The following DTX1 variants were observed in gnomAD, a reference collection of about 807,000 sequenced individuals.
DTX1 encodes E3 ubiquitin-protein ligase DTX1.
Under a neutral mutation model 57.8 loss-of-function variants are expected in DTX1, and 26 were observed. The ratio of observed to expected loss-of-function variants is 0.45; its 90% CI spans 0.33 to 0.62. DTX1 has a LOEUF of 0.62. Among genes scored for constraint, DTX1 ranks in the 20% least tolerant of loss-of-function variants. DTX1 has a pLI of 0.02. For synonymous variants in DTX1, 398 were observed against 394.1 expected, an observed-to-expected ratio of 1.01 and a Z score of -0.12; for missense variants, 704 against 895.3, an observed-to-expected ratio of 0.79 and a Z score of 2.73.
intron 1 of DTX1, among the ~76,000 whole-genome samples, chr12:113,057,148 T>C (rs2044630046): frequency 6.6e-6 from 1 of 151,536 alleles, no homozygotes; most frequent in African/African-American, 2.4e-5. Context: ...TCCCCGTGCT[T>C]CCCGGCGCAC....
chr12:113,094,033 T>A lies in DTX1; in HGVS notation c.1166-5T>A. Reference sequence around the variant, plus strand: ...CCTCAAACCCACCCCGCTGTGTCCCTGCAGGTAAGAATCCCGAGGATGTGG... The same window carrying A: ...CCTCAAACCCACCCCGCTGTGTCCCAGCAGGTAAGAATCCCGAGGATGTGG... On this transcript the variant is annotated splice_region_variant and splice_polypyrimidine_tract_variant and intron_variant, in intron 5 of 9. Coordinates refer to ENST00000548759, the MANE Select transcript of DTX1 (RefSeq NM_004416.3). The A allele has an allele frequency of 6.4e-7, 1 of 1,570,296 alleles. No individual in the cohort carries two copies. Among genetic ancestry groups the A allele is most frequent in the Non-Finnish European group, 8.6e-7 (1 of 1,156,848 alleles).
chr12:113,073,096 CAG>C (rs1176841259), intron 2 of DTX1, among the ~76,000 whole-genome samples: 1 of 152,146 alleles, frequency 6.6e-6, no homozygotes, highest in Non-Finnish European at 1.5e-5. Flanking sequence ...ATTTGGCACA[CAG>C]GGGAAGTTAA....
At position 113,078,027 on chromosome 12, in the gene DTX1, C is replaced by A. The variant is rs190645916; in HGVS notation, c.863C>A (p.Thr288Asn). The A allele has an allele frequency of 0.014, 17,522 of 1,271,804 alleles. 235 individuals are homozygous for A. Among genetic ancestry groups the A allele is most frequent in the Middle Eastern group, 0.056 (183 of 3,292 alleles). 78.8% of individuals were successfully genotyped at this position (1,271,804 alleles called of 1,614,324 possible). A position where few individuals can be genotyped will look rare whatever the true frequency, so the allele number is the denominator to read the frequency against. ...CCGGGCGCCCCCGGCGGAGCGCGCA[C>A]CCCGGGGCAGAACAACCTCAACCGG... is the stretch of plus-strand genomic sequence containing the variant. ...RSPGAPGGARTPGQNNLNRPG... is the reference protein window; with the variant it reads ...RSPGAPGGARNPGQNNLNRPG... Residue 288 changes from threonine to asparagine, a missense_variant, in exon 3 of 10, where the codon ACC (threonine) becomes AAC (asparagine). Around this residue, in one of 3 missense-constraint regions of DTX1, gnomAD observed 299 missense variants for 311.2 expected, o/e 0.96. Coordinates refer to ENST00000548759, the MANE Select transcript of DTX1 (RefSeq NM_004416.3).
Position 113,096,982 on chromosome 12 carries a change from C to T in DTX1, c.*43C>T, listed in dbSNP as rs780716565. 13 of 1,558,830 alleles carry T rather than the reference C, an allele frequency of 8.3e-6. No individual in the cohort carries two copies. In the Admixed American group the frequency reaches 9.1e-5, roughly 11 times the overall value. ...CTTCCCTCCTGCTTTGCCCCTGGTCCGGCAAATGCCTCCTTCGCCAGGTGT... is the reference window on the plus strand; with the variant it reads ...CTTCCCTCCTGCTTTGCCCCTGGTCTGGCAAATGCCTCCTTCGCCAGGTGT... On this transcript the variant is annotated 3_prime_UTR_variant, in exon 10 of 10. Transcript: ENST00000548759.
At chr12:113,068,264 G>A (rs1003934384) in intron 2 of DTX1, among the ~76,000 whole-genome samples, 14 of 152,210 alleles carry the variant, frequency 9.2e-5, no homozygotes, top group African/African-American at 3.1e-4. Flanking sequence ...GGATGCCAAG[G>A]TGACTGTAAA....
intron 2 of DTX1, among the ~76,000 whole-genome samples, chr12:113,062,448 T>C (rs2044671954): frequency 6.6e-6 from 1 of 152,218 alleles, no homozygotes; most frequent in African/African-American, 2.4e-5. Context: ...ATTCTTTTTT[T>C]TCCCCCAACC....
chr12:113,073,090 G>A (rs561900661), intron 2 of DTX1, among the ~76,000 whole-genome samples: 71 of 152,242 alleles, frequency 4.7e-4, no homozygotes, highest in Non-Finnish European at 5.0e-4. Context: ...CTCAGGATTT[G>A]GCACACAGGG....
intron 2 of DTX1, among the ~76,000 whole-genome samples, chr12:113,062,446 T>A (rs1030588337): frequency 6.6e-6 from 1 of 152,184 alleles, no homozygotes; most frequent in Admixed American, 6.5e-5. Flanking sequence ...ATATTCTTTT[T>A]TTTCCCCCAA....
At chr12:113,067,879 C>CA (rs56358913) in intron 2 of DTX1, among the ~76,000 whole-genome samples, 69 of 149,732 alleles carry the variant, frequency 4.6e-4, no homozygotes, top group Non-Finnish European at 6.4e-4. Context: ...CAAATAAAAA[C>CA]AAAAAAAAAA....
intron 9 of DTX1, among the ~76,000 whole-genome samples, chr12:113,096,230 G>A (rs548852674): frequency 2.7e-5 from 4 of 150,702 alleles, no homozygotes; most frequent in African/African-American, 4.9e-5. Context: ...CAGGCCAAGC[G>A]CAGTGGTGCA....
chr12:113,077,107 C>T lies in DTX1; in HGVS notation c.260-317C>T, dbSNP rs932290888. Among the ~76,000 whole-genome samples the T allele has an allele frequency of 1.4e-4, 22 of 152,220 alleles. No homozygotes were observed. The highest frequency in any genetic ancestry group is 5.1e-4 in the African/African-American group (21 of 41,518). On this transcript the variant is annotated intron_variant, in intron 2 of 9. Coordinates refer to ENST00000548759, the MANE Select transcript of DTX1 (RefSeq NM_004416.3). The surrounding 1 kb of genome is among the most constrained non-coding windows in gnomAD (Gnocchi z 7.8). Reference sequence around the variant, plus strand: ...ACCCTGTTTGGTGGCTCTCCCGCCCCTACGCCCAATCTACTGACCACGCGC... The same window carrying T: ...ACCCTGTTTGGTGGCTCTCCCGCCCTTACGCCCAATCTACTGACCACGCGC...
chr12:113,084,047 C>T (rs1441658686), intron 3 of DTX1, among the ~76,000 whole-genome samples: 3 of 152,226 alleles, frequency 2.0e-5, no homozygotes, highest in Non-Finnish European at 4.4e-5. Flanking sequence ...CAGCCCTGGA[C>T]GGGTAACAGC....
At chr12:113,068,534 A>G (rs2044719618) in intron 2 of DTX1, among the ~76,000 whole-genome samples, 1 of 152,246 alleles carries the variant, frequency 6.6e-6, no homozygotes. Context: ...GGAACAGCAT[A>G]TGCAAATACA....
chr12:113,059,024 T>G (rs1674089), intron 2 of DTX1, among the ~76,000 whole-genome samples: 96,440 of 151,614 alleles, frequency 0.64, 31,732 homozygotes, highest in African/African-American at 0.81. Flanking sequence ...TGTTGGTTTG[T>G]GGGGTGGAGT....
intron 2 of DTX1, among the ~76,000 whole-genome samples, chr12:113,076,458 GAA>G (rs56382675): frequency 0.3 from 37,718 of 126,268 alleles, 5,486 homozygotes; most frequent in Middle Eastern, 0.42. Context: ...ACTCTGCCTG[GAA>G]AAAAAAAAAA....
rs2044641116 is a variant in DTX1 at position 113,058,064 on chromosome 12, G to C, written c.-129G>C. Reference sequence around the variant, plus strand: ...GTCTCTAGGCCTCAGAGAGAACCCAGAGTTAGAAAGGAGGCCAGACGGTCC... The same window carrying C: ...GTCTCTAGGCCTCAGAGAGAACCCACAGTTAGAAAGGAGGCCAGACGGTCC... On this transcript the variant is annotated 5_prime_UTR_variant, in exon 2 of 10. Coordinates refer to ENST00000548759, the MANE Select transcript of DTX1 (RefSeq NM_004416.3). The C allele has an allele frequency of 7.1e-7, 1 of 1,406,200 alleles. No homozygotes were observed. The highest frequency in any genetic ancestry group is 2.9e-5 in the Admixed American group (1 of 34,994). The allele number at this position is 1,406,200 out of a possible 1,614,324, so 87.1% of individuals were successfully genotyped here. A position where few individuals can be genotyped will look rare whatever the true frequency, so the allele number is the denominator to read the frequency against.
intron 2 of DTX1, among the ~76,000 whole-genome samples, chr12:113,061,466 T>G (rs2044663044): frequency 6.6e-6 from 1 of 152,136 alleles, no homozygotes; most frequent in Admixed American, 6.5e-5. Flanking sequence ...GAAAAGAGCC[T>G]CAACCGGCAG....
At chr12:113,072,891 G>A (rs1328646658) in intron 2 of DTX1, among the ~76,000 whole-genome samples, 1 of 151,778 alleles carries the variant, frequency 6.6e-6, no homozygotes, top group African/African-American at 2.4e-5. Flanking sequence ...TTTTAGTAGA[G>A]ATCGGGGGTT....
At chr12:113,068,730 G>A (rs950439169) in intron 2 of DTX1, among the ~76,000 whole-genome samples, 1 of 152,184 alleles carries the variant, frequency 6.6e-6, no homozygotes, top group Non-Finnish European at 1.5e-5. Context: ...GTCCAGCCTT[G>A]AGTCTGTGAA....
Sources: gnomAD v4.1 joint callset for allele counts (sites outside exome capture counted in the v4.1 genomes callset) on GRCh38, gnomAD v4.1.1 for gene constraint, gnomAD v4.1.1 regional missense constraint, Gnocchi (gnomAD v3.1) non-coding constraint, MANE v1.5 for transcripts, NCBI Gene and HGNC (gene_info 2026-07-23, HGNC 2026-07-21) for gene names.